The following GRK5 variants were observed in gnomAD, a reference collection of about 807,000 sequenced individuals.
GRK5 encodes g protein-coupled receptor kinase GRK5.
In GRK5, 40 loss-of-function variants were observed where a neutral mutation model predicts 78.4. That is an observed-to-expected ratio of 0.51 (90% CI 0.40 to 0.66). The LOEUF is 0.66. GRK5 is among the 30% of genes least tolerant of loss of function. The pLI is 0.00. For missense variants in GRK5, 598 were observed against 759.9 expected (o/e 0.79, Z 2.50); for synonymous variants, 289 against 296.8 (o/e 0.97, Z 0.27).
At chr10:119,323,562 T>A (rs1850622719) in intron 1 of GRK5, among the ~76,000 whole-genome samples, 1 of 152,160 alleles carries the variant, frequency 6.6e-6, no homozygotes, top group African/African-American at 2.4e-5. Context: ...TGCGGCTAGA[T>A]GAGGATTGGC....
At chr10:119,251,025 C>G (rs1317620096) in intron 1 of GRK5, among the ~76,000 whole-genome samples, 9 of 152,152 alleles carry the variant, frequency 5.9e-5, no homozygotes, top group Non-Finnish European at 4.4e-5. Context: ...AGACTCCTGA[C>G]CTTGTGCATG....
Position 119,396,618 on chromosome 10 carries a change from A to G in GRK5, c.262-77A>G, listed in dbSNP as rs1852057880. On this transcript the variant is annotated intron_variant, in intron 3 of 15. Coordinates refer to ENST00000392870, the MANE Select transcript of GRK5 (RefSeq NM_005308.3). ...AGGTGGCCTCTAGGGGATTTCCTCC[A>G]GGGGCTGTGAGGTTCTGTAACTATA... The G allele has an allele frequency of 6.5e-6, 8 of 1,238,980 alleles. No homozygotes were observed. In the South Asian group the frequency reaches 8.6e-5, roughly 13 times the overall value. The allele number at this position is 1,238,980 out of a possible 1,614,324, so 76.7% of individuals were successfully genotyped here.
chr10:119,392,490 C>T (rs1851901286), intron 3 of GRK5, among the ~76,000 whole-genome samples: 2 of 152,194 alleles, frequency 1.3e-5, no homozygotes, highest in Middle Eastern at 3.2e-3. Flanking sequence ...GCAACCTCTG[C>T]CTCCCGAGTT....
intron 1 of GRK5, among the ~76,000 whole-genome samples, chr10:119,322,624 G>A (rs1850605454): frequency 6.6e-6 from 1 of 152,178 alleles, no homozygotes; most frequent in Non-Finnish European, 1.5e-5. Flanking sequence ...ATAGACTCCT[G>A]GGTTCCATAG....
chr10:119,439,732 G>T lies in GRK5; in HGVS notation c.931G>T (p.Asp311Tyr), dbSNP rs1246731473. 6.2e-7 allele frequency: 1 copy of T among 1,613,902 alleles called. No individual in the cohort carries two copies. The highest frequency in any genetic ancestry group is 8.5e-7 in the Non-Finnish European group (1 of 1,179,928). ...DLHRENTVYR[D>Y]LKPENILLDD... ...GATGCTTGTTGTTTTTCCTTTCAGA[G>T]ATCTGAAACCTGAAAACATCCTGTT... Residue 311 changes from aspartate (D) to tyrosine (Y), a missense_variant and splice_region_variant, in exon 10 of 16, where the codon GAT (aspartate) becomes TAT (tyrosine). Physicochemically the swap from Asp to Tyr is radical, Grantham distance 160 (BLOSUM62 -3). Coordinates refer to ENST00000392870, the MANE Select transcript of GRK5 (RefSeq NM_005308.3).
Position 119,211,094 on chromosome 10 carries a change from A to T in GRK5, c.52+3125A>T, listed in dbSNP as rs141150073. ...TGTGATAATTATTTTAAAATAAGAAAAGGTAGAGGTATGGGTTCAAGATTT... is the reference window on the plus strand; with the variant it reads ...TGTGATAATTATTTTAAAATAAGAATAGGTAGAGGTATGGGTTCAAGATTT... On this transcript the variant is annotated intron_variant, in intron 1 of 15. Transcript: ENST00000392870. Among the ~76,000 whole-genome samples the T allele has an allele frequency of 2.0e-3, 299 of 152,344 alleles. 1 individual carries two copies. The highest frequency in any genetic ancestry group is 6.7e-3 in the African/African-American group (277 of 41,578).
chr10:119,383,140 C>A (rs1851740627), intron 3 of GRK5, among the ~76,000 whole-genome samples: 5 of 152,178 alleles, frequency 3.3e-5, no homozygotes, highest in Admixed American at 3.3e-4. Flanking sequence ...CCAGGATGGT[C>A]TCGATCTCCT....
At chr10:119,387,068 G>T (rs957794474) in intron 3 of GRK5, among the ~76,000 whole-genome samples, 1 of 151,888 alleles carries the variant, frequency 6.6e-6, no homozygotes, top group Non-Finnish European at 1.5e-5. Context: ...GCAGTGGTGC[G>T]ATCTCAGCTC....
At chr10:119,210,086 G>A (rs567888879) in intron 1 of GRK5, among the ~76,000 whole-genome samples, 14 of 152,168 alleles carry the variant, frequency 9.2e-5, no homozygotes, top group Non-Finnish European at 1.5e-4. Context: ...TGGAGTGACC[G>A]ACTCCCATTG....
intron 1 of GRK5, among the ~76,000 whole-genome samples, chr10:119,296,174 G>T (rs985554140): frequency 3.3e-5 from 5 of 152,214 alleles, no homozygotes; most frequent in African/African-American, 1.2e-4. Flanking sequence ...CTTGGTTCTC[G>T]GGCTTGTCCC....
chr10:119,299,871 G>C (rs1850145987), intron 1 of GRK5, among the ~76,000 whole-genome samples: 1 of 151,878 alleles, frequency 6.6e-6, no homozygotes, highest in South Asian at 2.1e-4. Flanking sequence ...CTGCAGGTTT[G>C]TTACATATGT....
intron 2 of GRK5, among the ~76,000 whole-genome samples, chr10:119,371,352 A>G (rs931754538): frequency 2.6e-5 from 4 of 152,158 alleles, no homozygotes; most frequent in African/African-American, 9.7e-5. Flanking sequence ...CTATTGGGAA[A>G]CTCTGGTTGC....
intron 2 of GRK5, among the ~76,000 whole-genome samples, chr10:119,352,668 G>A (rs1275479062): frequency 2.6e-5 from 4 of 152,188 alleles, no homozygotes; most frequent in African/African-American, 9.7e-5. Context: ...GGGGAAAGTT[G>A]CAGCGATTAT....
intron 1 of GRK5, among the ~76,000 whole-genome samples, chr10:119,261,607 C>A (rs541560915): frequency 6.6e-6 from 1 of 152,256 alleles, no homozygotes; most frequent in Admixed American, 6.5e-5. Flanking sequence ...AGCCTGGGCG[C>A]CATTGAGCAC....
At chr10:119,427,598 ACCATCATCAGCATCACTG>A (rs1397222005) in intron 6 of GRK5, among the ~76,000 whole-genome samples, 2 of 150,626 alleles carry the variant, frequency 1.3e-5, no homozygotes, top group African/African-American at 2.5e-5. Flanking sequence ...CAGCATCATC[ACCATCATCAGCATCACTG>A]CCATCATCAG....
intron 2 of GRK5, among the ~76,000 whole-genome samples, chr10:119,340,415 AC>A (rs1850964425): frequency 6.6e-6 from 1 of 152,244 alleles, no homozygotes; most frequent in Non-Finnish European, 1.5e-5. Flanking sequence ...GGTGTCAGCC[AC>A]CATGCCCAGC....
At chr10:119,352,937 G>A (rs1299510210) in intron 2 of GRK5, among the ~76,000 whole-genome samples, 3 of 152,220 alleles carry the variant, frequency 2.0e-5, no homozygotes, top group Admixed American at 6.5e-5. Flanking sequence ...CCCGGGCTCC[G>A]TCCTCCCTCT....
At chr10:119,345,532 G>A (rs964697239) in intron 2 of GRK5, among the ~76,000 whole-genome samples, 1 of 152,106 alleles carries the variant, frequency 6.6e-6, no homozygotes, top group African/African-American at 2.4e-5. Context: ...CCTCTTCTTT[G>A]GTCCTCTGTT....
chr10:119,277,487 C>T (rs917078454), intron 1 of GRK5, among the ~76,000 whole-genome samples: 4 of 152,192 alleles, frequency 2.6e-5, no homozygotes, highest in Admixed American at 6.5e-5. Flanking sequence ...CTCTTCTGCT[C>T]TCTGCGACAC....
Sources: gnomAD v4.1 joint callset for allele counts (sites outside exome capture counted in the v4.1 genomes callset) on GRCh38, gnomAD v4.1.1 for gene constraint, MANE v1.5 for transcripts, NCBI Gene and HGNC (gene_info 2026-07-23, HGNC 2026-07-21) for gene names.